TMEM132B: variants seen among roughly 807,000 people sequenced by gnomAD.
The protein encoded by TMEM132B is transmembrane protein 132B.
A neutral mutation model predicts 90.8 loss-of-function variants in TMEM132B; 18 were observed. The ratio of observed to expected loss-of-function variants is 0.20; its 90% CI spans 0.14 to 0.29. The LOEUF (loss-of-function observed/expected upper bound fraction) is 0.29. Among genes scored for constraint, TMEM132B ranks in the 10% least tolerant of loss-of-function variants. TMEM132B has a pLI of 1.00. For missense variants in TMEM132B, 1,096 were observed against 1,326.8 expected (o/e 0.83, Z 2.70); for synonymous variants, 504 against 523.3 (o/e 0.96, Z 0.50).
chr12:125,480,443 C>T lies in TMEM132B; in HGVS notation c.1107-38996C>T, dbSNP rs186848919. ...AAAGAGGATATCACCACCGATCCCA[C>T]AGAAATACAAACTACTGTCAGAGAA... On this transcript the variant is annotated intron_variant, in intron 3 of 8. Coordinates refer to ENST00000682704, the MANE Select transcript of TMEM132B (RefSeq NM_001366854.1). Among the ~76,000 whole-genome samples, 718 of 152,290 alleles carry T rather than the reference C, an allele frequency of 4.7e-3. 4 individuals carry two copies. The highest frequency in any genetic ancestry group is 7.5e-3 in the Non-Finnish European group (513 of 68,040).
At chr12:125,618,052 T>A (rs183489642) in intron 5 of TMEM132B, among the ~76,000 whole-genome samples, 1 of 152,228 alleles carries the variant, frequency 6.6e-6, no homozygotes, top group East Asian at 1.9e-4. Flanking sequence ...TAGGGAGAGC[T>A]TGGGAGCTCT....
intron 3 of TMEM132B, among the ~76,000 whole-genome samples, chr12:125,518,427 A>G (rs975228580): frequency 1.3e-5 from 2 of 152,174 alleles, no homozygotes; most frequent in African/African-American, 2.4e-5. Context: ...GCTCATTGGC[A>G]GAGAAGGAGC....
chr12:125,585,338 C>T (rs1023950288), intron 5 of TMEM132B: 1 of 152,066 alleles, frequency 6.6e-6, no homozygotes, highest in Admixed American at 6.6e-5. Context: ...AATATATGGC[C>T]TTAAATATTC....
At position 125,521,367 on chromosome 12, in the gene TMEM132B, G is replaced by A. The variant is rs377491346; in HGVS notation, c.1293+1742G>A. Among the ~76,000 whole-genome samples, 38 of 152,130 alleles carry A rather than the reference G, an allele frequency of 2.5e-4. No homozygotes were observed. The East Asian group carries it at 3.7e-3, about 15-fold the overall frequency. On this transcript the variant is annotated intron_variant, in intron 4 of 8. Transcript: ENST00000682704. ...AAAGCAAGTCATGGAAAGATCAGTG[G>A]CAATTAATGCTGGACTGCCCCTGCA...
chr12:125,496,754 G>A (rs184040732), intron 3 of TMEM132B, among the ~76,000 whole-genome samples: 1 of 152,280 alleles, frequency 6.6e-6, no homozygotes, highest in East Asian at 1.9e-4. Flanking sequence ...TGCTAGTTCA[G>A]AATCCCCTCC....
At chr12:125,432,970 C>T (rs1309740858) in intron 3 of TMEM132B, among the ~76,000 whole-genome samples, 3 of 152,136 alleles carry the variant, frequency 2.0e-5, no homozygotes, top group African/African-American at 7.2e-5. Flanking sequence ...GAGTGGAATG[C>T]CAATTTGGCC....
At chr12:125,238,787 T>G (rs1873998944) in intron 1 of TMEM132B, among the ~76,000 whole-genome samples, 1 of 152,114 alleles carries the variant, frequency 6.6e-6, no homozygotes, top group Admixed American at 6.5e-5. Context: ...TATTTAAAAG[T>G]GTTGAGAATG....
At chr12:125,236,446 C>T (rs905804138) in intron 1 of TMEM132B, among the ~76,000 whole-genome samples, 19 of 152,222 alleles carry the variant, frequency 1.2e-4, no homozygotes, top group African/African-American at 3.6e-4. Context: ...TGTGAGCCAC[C>T]GCTCCCGGTC....
intron 1 of TMEM132B, among the ~76,000 whole-genome samples, chr12:125,198,337 A>G (rs1174105481): frequency 6.6e-6 from 1 of 152,142 alleles, no homozygotes; most frequent in East Asian, 1.9e-4. Context: ...CAGGGGCTTA[A>G]CACTCTCCTA....
chr12:125,425,927 G>A (rs537628862), intron 3 of TMEM132B, among the ~76,000 whole-genome samples: 4 of 152,318 alleles, frequency 2.6e-5, no homozygotes, highest in South Asian at 2.1e-4. Flanking sequence ...AGGTTTTTCT[G>A]TAGATGTACG....
chr12:125,285,901 A>T (rs992835415), intron 1 of TMEM132B, among the ~76,000 whole-genome samples: 1 of 152,186 alleles, frequency 6.6e-6, no homozygotes, highest in Non-Finnish European at 1.5e-5. Context: ...GAAGGTAAAC[A>T]TCCTTGACAG....
At chr12:125,488,563 C>T (rs1882261207) in intron 3 of TMEM132B, among the ~76,000 whole-genome samples, 3 of 152,218 alleles carry the variant, frequency 2.0e-5, no homozygotes, top group Admixed American at 2.0e-4. Flanking sequence ...TGCACAAGCT[C>T]TCTCTTTGCC....
Position 125,407,737 on chromosome 12 carries a change from G to T in TMEM132B, c.960-7794G>T, listed in dbSNP as rs1223110737. Among the ~76,000 whole-genome samples, 1 of 152,180 alleles carries T rather than the reference G, an allele frequency of 6.6e-6. No individual in the cohort carries two copies. The highest frequency in any genetic ancestry group is 6.5e-5 in the Admixed American group (1 of 15,286). On this transcript the variant is annotated intron_variant, in intron 2 of 8. Coordinates refer to ENST00000682704, the MANE Select transcript of TMEM132B (RefSeq NM_001366854.1). The surrounding 1 kb of genome is among the most constrained non-coding windows in gnomAD (Gnocchi z 6.7). The stretch of plus-strand genomic sequence containing the variant: ...AAGGGACCGCGGACACCTGGTGGAG[G>T]TCTGGGGGAGAAACGCCTCTGTGTG...
intron 3 of TMEM132B, among the ~76,000 whole-genome samples, chr12:125,461,275 AG>A (rs754509780): frequency 3.3e-5 from 5 of 152,228 alleles, no homozygotes; most frequent in African/African-American, 4.8e-5. Context: ...TCTCAGAGTC[AG>A]GGTCAGACCC....
At chr12:125,431,926 G>C (rs1214671763) in intron 3 of TMEM132B, among the ~76,000 whole-genome samples, 1 of 152,140 alleles carries the variant, frequency 6.6e-6, no homozygotes, top group Non-Finnish European at 1.5e-5. Flanking sequence ...GGAAACCTCT[G>C]GTGACTTCAC....
intron 4 of TMEM132B, among the ~76,000 whole-genome samples, chr12:125,579,692 G>T (rs1246950892): frequency 6.6e-6 from 1 of 151,938 alleles, no homozygotes; most frequent in Non-Finnish European, 1.5e-5. Flanking sequence ...CTTTAGATGT[G>T]ATTTTATTTC....
chr12:125,415,396 C>T lies in TMEM132B; in HGVS notation c.960-135C>T. On this transcript the variant is annotated intron_variant, in intron 2 of 8. Coordinates refer to ENST00000682704, the MANE Select transcript of TMEM132B (RefSeq NM_001366854.1). This position sits in a 1 kb window ranked among gnomAD's most constrained non-coding sequence, Gnocchi z 5.3. The stretch of plus-strand genomic sequence containing the variant: ...AGGAAAGCCACTTGCCACCACTCTC[C>T]CCCACATCTCCCAGAGGAAGGGGGC... 1.7e-6 allele frequency: 2 copies of T among 1,143,348 alleles called. No individual in the cohort carries two copies. Among genetic ancestry groups the T allele is most frequent in the South Asian group, 1.9e-5 (1 of 51,748 alleles). 70.8% of individuals were successfully genotyped at this position (1,143,348 alleles called of 1,614,324 possible).
At chr12:125,554,240 G>A (rs1884311375) in intron 4 of TMEM132B, among the ~76,000 whole-genome samples, 1 of 151,522 alleles carries the variant, frequency 6.6e-6, no homozygotes, top group Non-Finnish European at 1.5e-5. Context: ...TGGCTAACAT[G>A]GTGAAACCCT....
chr12:125,418,985 CTAGGT>C, intron 3 of TMEM132B, among the ~76,000 whole-genome samples: 1 of 152,284 alleles, frequency 6.6e-6, no homozygotes, highest in South Asian at 2.1e-4. Context: ...CCACGTGCAG[CTAGGT>C]AGGTTGAGAT....
Sources: allele counts gnomAD v4.1 joint callset (sites outside exome capture counted in the v4.1 genomes callset), GRCh38; gene constraint gnomAD v4.1.1; non-coding constraint Gnocchi (gnomAD v3.1); transcripts MANE v1.5; gene names NCBI Gene and HGNC (gene_info 2026-07-23, HGNC 2026-07-21).